Variants in SRRT observed in about 807,000 individuals in gnomAD.
SRRT encodes serrate RNA effector molecule homolog.
SRRT carries 32 observed loss-of-function variants against 103.2 expected under a neutral mutation model. The ratio of observed to expected loss-of-function variants is 0.31; its 90% CI spans 0.23 to 0.42. The LOEUF (loss-of-function observed/expected upper bound fraction) is 0.42, where lower values mean the gene tolerates loss of function less well. Ranked by LOEUF, SRRT falls within the 10% of genes least tolerant of loss-of-function variation. SRRT has a pLI of 1.00. For missense variants in SRRT, 986 were observed against 1,207.5 expected, an observed-to-expected ratio of 0.82 and a Z score of 2.72; for synonymous variants, 525 against 449.0, an observed-to-expected ratio of 1.17 and a Z score of -2.14.
chr7:100,885,670 C>G lies in SRRT; in HGVS notation c.1318-31C>G, dbSNP rs1441093258. 6 of 1,587,318 alleles carry G rather than the reference C, an allele frequency of 3.8e-6. No individual in the cohort carries two copies. In the South Asian group the frequency reaches 6.8e-5, roughly 18 times the overall value. On this transcript the variant is annotated intron_variant, in intron 10 of 19. Coordinates refer to ENST00000611405, the MANE Select transcript of SRRT (RefSeq NM_015908.6). The surrounding 1 kb of genome is among the most constrained non-coding windows in gnomAD (Gnocchi z 4.8). ...GGAAGAAGCGAATGAATCCTTGAGTCACTGTGGGGCTGCTTTTCTGCTTCT... is the reference window on the plus strand; with the variant it reads ...GGAAGAAGCGAATGAATCCTTGAGTGACTGTGGGGCTGCTTTTCTGCTTCT...
Position 100,885,288 on chromosome 7 carries a change from G to A in SRRT, c.1235G>A (p.Cys412Tyr). ...EKPKDAAGLE[C>Y]KPRPLHKTCS... is the part of the protein sequence containing the mutation. ...CCCAAGGACGCCGCGGGGCTGGAGTGCAAGCCGCGGCCGCTGCATAAGACC... is the reference window on the plus strand; with the variant it reads ...CCCAAGGACGCCGCGGGGCTGGAGTACAAGCCGCGGCCGCTGCATAAGACC... The change falls in exon 10 of 20, where the codon TGC (cysteine) becomes TAC (tyrosine). Residue 412 changes from cysteine to tyrosine, a missense_variant. Around this residue, in one of 6 missense-constraint regions of SRRT, gnomAD observed 349 missense variants for 446.9 expected, o/e 0.78. Transcript: ENST00000611405. The surrounding 1 kb of genome is among the most constrained non-coding windows in gnomAD (Gnocchi z 4.8). The A allele has an allele frequency of 6.2e-7, 1 of 1,614,170 alleles. No individual in the cohort carries two copies. The highest frequency in any genetic ancestry group is 1.1e-5 in the South Asian group (1 of 91,088).
chr7:100,882,592 C>G lies in SRRT; in HGVS notation c.587+351C>G, dbSNP rs1225603214. On this transcript the variant is annotated intron_variant, in intron 5 of 19. Transcript: ENST00000611405. The surrounding 1 kb of genome is among the most constrained non-coding windows in gnomAD (Gnocchi z 4.2). ...GACCCTGTGTGGCTGTGGCGTCCTC[C>G]TAAAGCGACGAGTGAATCCAGACAA... 1 of 200,250 alleles carries G rather than the reference C, an allele frequency of 5.0e-6. No individual in the cohort carries two copies. The highest frequency in any genetic ancestry group is 1.0e-5 in the Non-Finnish European group (1 of 99,982). 12.4% of individuals were successfully genotyped at this position (200,250 alleles called of 1,614,324 possible). A position where few individuals can be genotyped will look rare whatever the true frequency, so the allele number is the denominator to read the frequency against.
intron 2 of SRRT, among the ~76,000 whole-genome samples, chr7:100,879,900 A>G (rs1411172695): frequency 2.0e-5 from 3 of 152,026 alleles, no homozygotes; most frequent in African/African-American, 7.2e-5. Context: ...GAGGCTGGTG[A>G]CTGGTCGAGA....
At position 100,884,139 on chromosome 7, in the gene SRRT, C is replaced by A; in HGVS notation, c.657C>A (p.Asn219Lys). 6.2e-7 allele frequency: 1 copy of A among 1,613,564 alleles called. No homozygotes were observed. Among genetic ancestry groups the A allele is most frequent in the Non-Finnish European group, 8.5e-7 (1 of 1,179,840 alleles). Residue 219 changes from asparagine (N) to lysine (K), a missense_variant, in exon 6 of 20, where the codon AAC (asparagine) becomes AAA (lysine). Physicochemically the swap from Asn to Lys is moderately conservative, Grantham distance 94. Coordinates refer to ENST00000611405, the MANE Select transcript of SRRT (RefSeq NM_015908.6). ...RRQEARGALQ[N>K]RLRVFLSLME... ...AGGAGGCCCGGGGGGCCCTGCAAAA[C>A]CGACTGAGGGTCTTCCTGTCCCTCA...
chr7:100,887,035 C>G lies in SRRT; in HGVS notation c.1822-12C>G, dbSNP rs1335285042. The G allele has an allele frequency of 3.1e-6, 5 of 1,613,602 alleles. No individual in the cohort carries two copies. The South Asian group carries it at 4.4e-5, about 14-fold the overall frequency. ...AGGGCAGGAGCTGAACGCTCGCATT[C>G]ACTTCCCTTAGGTCTTGGACAAGCT... is the stretch of plus-strand genomic sequence containing the variant. On this transcript the variant is annotated splice_polypyrimidine_tract_variant and intron_variant, in intron 14 of 19. Coordinates refer to ENST00000611405, the MANE Select transcript of SRRT (RefSeq NM_015908.6). This position sits in a 1 kb window ranked among gnomAD's most constrained non-coding sequence, Gnocchi z 4.1.
chr7:100,887,403 A>G lies in SRRT; in HGVS notation c.2059A>G (p.Lys687Glu). ...GTCACTCTCAGAGGAAGAGGCCCAG[A>G]AGATGGGGCGCAAAGACCCAGAGCA... ...RESLSEEEAQ[K>E]MGRKDPEQEV... The change falls in exon 16 of 20, where the codon AAG (lysine) becomes GAG (glutamate). Residue 687 changes from lysine (K) to glutamate (E), a missense_variant. By Grantham distance (56) the Lys-to-Glu change is moderately conservative (BLOSUM62 1). Around this residue, in one of 6 missense-constraint regions of SRRT, gnomAD observed 349 missense variants for 446.9 expected, o/e 0.78. Coordinates refer to ENST00000611405, the MANE Select transcript of SRRT (RefSeq NM_015908.6). The surrounding 1 kb of genome is among the most constrained non-coding windows in gnomAD (Gnocchi z 4.1). The G allele has an allele frequency of 6.2e-7, 1 of 1,614,204 alleles. No individual in the cohort carries two copies. Among genetic ancestry groups the G allele is most frequent in the Non-Finnish European group, 8.5e-7 (1 of 1,180,036 alleles).
chr7:100,888,642 CTAA>C lies in SRRT; in HGVS notation c.*97_*99del, dbSNP rs769055515. ...ATTTTTTGTACGATCAGCCTTACTG[CTAA>C]TAAAAGCACTTCCACAGGGCTCCTG... On this transcript the variant is annotated 3_prime_UTR_variant, in exon 20 of 20. Transcript: ENST00000611405. 7 of 1,528,064 alleles carry C rather than the reference CTAA, an allele frequency of 4.6e-6. No homozygotes were observed. Among genetic ancestry groups the C allele is most frequent in the Admixed American group, 1.7e-5 (1 of 58,842 alleles). 94.7% of individuals were successfully genotyped at this position (1,528,064 alleles called of 1,614,324 possible).
intron 2 of SRRT, chr7:100,880,735 G>C (rs778833302): frequency 4.6e-6 from 2 of 432,546 alleles, no homozygotes; most frequent in Non-Finnish European, 4.7e-6. Context: ...GAGTGCACTG[G>C]TGCAGTCGAA....
chr7:100,875,504 C>T (rs1249909293), intron 1 of SRRT, 69 bp from the exon 2 acceptor site: 9 of 1,587,378 alleles, frequency 5.7e-6, no homozygotes, highest in Non-Finnish European at 7.7e-6. Context: ...GGCGAGCTGC[C>T]CGCGAGGGAC....
intron 5 of SRRT, 148 bp from the exon 6 acceptor site, chr7:100,883,922 C>A: frequency 1.2e-6 from 1 of 843,782 alleles, no homozygotes; most frequent in Non-Finnish European, 1.8e-6. Context: ...TTCTAGCGCA[C>A]CCCTATCCCT....
chr7:100,876,987 C>T (rs1363882840), intron 2 of SRRT, among the ~76,000 whole-genome samples: 2 of 152,084 alleles, frequency 1.3e-5, no homozygotes, highest in African/African-American at 4.8e-5. Context: ...GTCCACAGAC[C>T]ATAGGGGGTC....
In SRRT at chr7:100,882,353, G is replaced by T; in HGVS notation, c.587+112G>T. On this transcript the variant is annotated intron_variant, in intron 5 of 19. Transcript: ENST00000611405. The surrounding 1 kb of genome is among the most constrained non-coding windows in gnomAD (Gnocchi z 4.2). The stretch of plus-strand genomic sequence containing the variant: ...TTTCCCTGTCCAGAACTTTCTGGGG[G>T]CGGGGGTCGGGAAGTATGACAGCAT... The T allele has an allele frequency of 1.5e-5, 19 of 1,255,260 alleles. No homozygotes were observed. Among genetic ancestry groups the T allele is most frequent in the Non-Finnish European group, 2.0e-5 (18 of 911,812 alleles). 77.8% of individuals were successfully genotyped at this position (1,255,260 alleles called of 1,614,324 possible).
rs1290176208 is a variant in SRRT, at chr7:100,885,894, C to T, written c.1411C>T (p.Arg471Cys). The part of the protein sequence containing the change: ...FFRRGWVTFD[R>C]SVNIKEICWN... Reference sequence around the variant, plus strand: ...CCGTCGTGGCTGGGTGACCTTCGACCGCAGTGTTAACATTAAAGAGATCTG... The same window carrying T: ...CCGTCGTGGCTGGGTGACCTTCGACTGCAGTGTTAACATTAAAGAGATCTG... The change falls in exon 12 of 20, where the codon CGC (arginine) becomes TGC (cysteine). Residue 471 changes from arginine to cysteine, a missense_variant. Around this residue, in one of 6 missense-constraint regions of SRRT, gnomAD observed 349 missense variants for 446.9 expected, o/e 0.78. Coordinates refer to ENST00000611405, the MANE Select transcript of SRRT (RefSeq NM_015908.6). This position sits in a 1 kb window ranked among gnomAD's most constrained non-coding sequence, Gnocchi z 4.8. 8.1e-6 allele frequency: 13 copies of T among 1,613,908 alleles called. No homozygotes were observed. The highest frequency in any genetic ancestry group is 8.0e-5 in the African/African-American group (6 of 74,848).
chr7:100,886,966 A>G lies in SRRT; in HGVS notation c.1819A>G (p.Lys607Glu). The G allele has an allele frequency of 6.2e-7, 1 of 1,610,108 alleles. No homozygotes were observed. Among genetic ancestry groups the G allele is most frequent in the South Asian group, 1.1e-5 (1 of 90,920 alleles). The part of the protein sequence containing the change: ...INVERDEKLI[K>E]VLDKLLLYLR... ...CGTGGAGCGGGATGAGAAGTTGATT[A>G]AGGTGCCAGTGGCAGCGCGGGGCAC... The change falls in exon 14 of 20, where the codon AAG becomes GAG. Residue 607 changes from lysine to glutamate, a missense_variant and splice_region_variant. Around this residue, in one of 6 missense-constraint regions of SRRT, gnomAD observed 349 missense variants for 446.9 expected, o/e 0.78. Coordinates refer to ENST00000611405, the MANE Select transcript of SRRT (RefSeq NM_015908.6).
At chr7:100,883,537 C>T (rs1263418441) in intron 5 of SRRT, among the ~76,000 whole-genome samples, 3 of 152,200 alleles carry the variant, frequency 2.0e-5, no homozygotes, top group Non-Finnish European at 2.9e-5. Context: ...GTCCCTTCAC[C>T]GTCTTGCTTA....
At chr7:100,886,997 G>A in intron 14 of SRRT, 29 bp downstream of exon 14, 1 of 1,610,310 alleles carries the variant, frequency 6.2e-7, no homozygotes, top group Non-Finnish European at 8.5e-7. Flanking sequence ...GGCACGTGGG[G>A]GCTCGGGCGG....
intron 2 of SRRT, among the ~76,000 whole-genome samples, chr7:100,876,237 C>A (rs1437899042): frequency 6.6e-6 from 1 of 152,182 alleles, no homozygotes; most frequent in Non-Finnish European, 1.5e-5. Flanking sequence ...CTGCAACCTT[C>A]GCCTCTGGGG....
At chr7:100,877,491 A>G (rs531812627) in intron 2 of SRRT, among the ~76,000 whole-genome samples, 1 of 148,376 alleles carries the variant, frequency 6.7e-6, no homozygotes, top group Non-Finnish European at 1.5e-5. Flanking sequence ...TTTAAATTTG[A>G]TTAGATTGGA....
At chr7:100,875,440 T>G in intron 1 of SRRT, 112 bp downstream of exon 1, 2 of 1,480,454 alleles carry the variant, frequency 1.4e-6, no homozygotes, top group Non-Finnish European at 1.8e-6. Context: ...AGCCGCGTTC[T>G]CAGGCCTAGG....
Sources: gnomAD v4.1 joint callset for allele counts (sites outside exome capture counted in the v4.1 genomes callset) on GRCh38, gnomAD v4.1.1 for gene constraint, gnomAD v4.1.1 regional missense constraint, Gnocchi (gnomAD v3.1) non-coding constraint, MANE v1.5 for transcripts, NCBI Gene and HGNC (gene_info 2026-07-23, HGNC 2026-07-21) for gene names.